EMC2: variants seen among roughly 807,000 people sequenced by gnomAD.
EMC2 encodes the protein TPR repeat protein 35.
In EMC2, 37 loss-of-function variants were observed where a neutral mutation model predicts 51.6. The observed-to-expected ratio is 0.72, with a 90% confidence interval of 0.55 to 0.94. EMC2 has a LOEUF of 0.94. EMC2 is among the 40% of genes least tolerant of loss of function. EMC2 has a pLI of 0.00. For synonymous variants in EMC2, 131 were observed against 112.4 expected, an observed-to-expected ratio of 1.17 and a Z score of -1.04; for missense variants, 359 against 350.9, an observed-to-expected ratio of 1.02 and a Z score of -0.18.
intron 7 of EMC2, among the ~76,000 whole-genome samples, chr8:108,471,986 C>G (rs1810866399): frequency 1.3e-5 from 2 of 152,000 alleles, no homozygotes; most frequent in East Asian, 3.9e-4. Context: ...ATTGGTTCTA[C>G]CTTTTTAGTT....
intron 5 of EMC2, among the ~76,000 whole-genome samples, chr8:108,469,064 A>G (rs1327723130): frequency 6.6e-6 from 1 of 152,066 alleles, no homozygotes; most frequent in Non-Finnish European, 1.5e-5. Context: ...CCTTATTTTC[A>G]TAACACCCTA....
intron 1 of EMC2, 131 bp from the exon 2 acceptor site, chr8:108,449,690 CTT>C (rs936810945): frequency 1.9e-6 from 1 of 529,984 alleles, no homozygotes; most frequent in African/African-American, 2.0e-5. Flanking sequence ...ATACCACAGA[CTT>C]CTACATGATT....
chr8:108,465,920 G>T (rs997424348), intron 5 of EMC2, among the ~76,000 whole-genome samples: 2 of 152,096 alleles, frequency 1.3e-5, no homozygotes, highest in African/African-American at 4.8e-5. Context: ...GCTTTCTACA[G>T]AACAGAGTAT....
intron 1 of EMC2, among the ~76,000 whole-genome samples, chr8:108,445,562 A>G (rs1818858482): frequency 6.6e-6 from 1 of 151,828 alleles, no homozygotes; most frequent in African/African-American, 2.4e-5. Context: ...TGACCACTCT[A>G]CTACCCCCTT....
intron 5 of EMC2, among the ~76,000 whole-genome samples, chr8:108,459,916 G>A (rs936379006): frequency 2.0e-5 from 3 of 152,076 alleles, no homozygotes; most frequent in African/African-American, 2.4e-5. Context: ...AGAATAAAAC[G>A]TTAAAATTGG....
chr8:108,462,939 C>G (rs948311334), intron 5 of EMC2, among the ~76,000 whole-genome samples: 1 of 152,098 alleles, frequency 6.6e-6, no homozygotes, highest in East Asian at 1.9e-4. Flanking sequence ...TCTTTCTGAG[C>G]TGTCTCCTTT....
intron 5 of EMC2, among the ~76,000 whole-genome samples, chr8:108,460,426 A>G (rs1291996845): frequency 6.6e-6 from 1 of 152,182 alleles, no homozygotes; most frequent in Non-Finnish European, 1.5e-5. Flanking sequence ...GAACATCCTT[A>G]ACCTGAAAAT....
At chr8:108,453,238 G>A (rs1819072106) in intron 4 of EMC2, 91 bp downstream of exon 4, 1 of 576,166 alleles carries the variant, frequency 1.7e-6, no homozygotes, top group Non-Finnish European at 3.1e-6. Flanking sequence ...TCTAGAGTGT[G>A]TGGAATACTG....
intron 5 of EMC2, among the ~76,000 whole-genome samples, chr8:108,466,324 C>T (rs189973693): frequency 5.7e-4 from 86 of 151,816 alleles, no homozygotes; most frequent in African/African-American, 1.9e-3. Flanking sequence ...AGTCAGTTAA[C>T]GAGACTGTAC....
At chr8:108,446,436 TGA>T in intron 1 of EMC2, 1 of 241,408 alleles carries the variant, frequency 4.1e-6, no homozygotes, top group South Asian at 4.2e-5. Context: ...TAGCATGGGG[TGA>T]TGAAAGCCTG....
rs1191022581 is a variant in EMC2 at position 108,463,648 on chromosome 8, A to T, written c.364-6178A>T. ...ATATCAAATATTTGAAGTTTTATTT[A>T]TGAATTAGATGTAATTTCCTCTGTG... On this transcript the variant is annotated intron_variant, in intron 5 of 10. Coordinates refer to ENST00000220853, the MANE Select transcript of EMC2 (RefSeq NM_014673.5). Among the ~76,000 whole-genome samples, 9 of 152,242 alleles carry T rather than the reference A, an allele frequency of 5.9e-5. No homozygotes were observed. In the South Asian group the frequency reaches 1.7e-3, roughly 28 times the overall value.
At chr8:108,462,876 G>A (rs1488747482) in intron 5 of EMC2, among the ~76,000 whole-genome samples, 2 of 152,118 alleles carry the variant, frequency 1.3e-5, no homozygotes, top group Non-Finnish European at 2.9e-5. Flanking sequence ...ACAGCTATGG[G>A]ATTACAGGAG....
chr8:108,464,787 G>A (rs562771409), intron 5 of EMC2, among the ~76,000 whole-genome samples: 21 of 152,310 alleles, frequency 1.4e-4, no homozygotes, highest in African/African-American at 4.1e-4. Context: ...GAATACACCC[G>A]AGTGCACAGT....
intron 1 of EMC2, among the ~76,000 whole-genome samples, chr8:108,444,169 A>G (rs1184570899): frequency 1.3e-5 from 2 of 152,216 alleles, no homozygotes; most frequent in African/African-American, 4.8e-5. Context: ...TGTGATTCTC[A>G]TATGCCACTC....
chr8:108,455,787 G>T, intron 4 of EMC2, 86 bp from the exon 5 acceptor site: 4 of 512,384 alleles, frequency 7.8e-6, no homozygotes, highest in Non-Finnish European at 1.1e-5. Context: ...AAATATTAAA[G>T]CCAGTTTAAT....
chr8:108,444,868 T>C (rs1818840030), intron 1 of EMC2, among the ~76,000 whole-genome samples: 1 of 152,160 alleles, frequency 6.6e-6, no homozygotes, highest in African/African-American at 2.4e-5. Context: ...GAAGTCACAA[T>C]CTAATGGAGA....
intron 9 of EMC2, among the ~76,000 whole-genome samples, chr8:108,477,528 C>G (rs1369173708): frequency 6.6e-6 from 1 of 151,882 alleles, no homozygotes; most frequent in African/African-American, 2.4e-5. Context: ...TTATCCTGTT[C>G]CTTTGACTTC....
intron 5 of EMC2, among the ~76,000 whole-genome samples, chr8:108,460,929 A>G (rs1180436504): frequency 1.3e-5 from 2 of 152,168 alleles, no homozygotes; most frequent in African/African-American, 4.8e-5. Context: ...ATGAACCATC[A>G]AAGAGTTGCT....
chr8:108,444,126 G>A (rs1818819485), intron 1 of EMC2, among the ~76,000 whole-genome samples: 1 of 152,220 alleles, frequency 6.6e-6, no homozygotes, highest in African/African-American at 2.4e-5. Flanking sequence ...ACAGCTCTGT[G>A]CAGAAAAGCT....
Sources: allele counts gnomAD v4.1 joint callset (sites outside exome capture counted in the v4.1 genomes callset), GRCh38; gene constraint gnomAD v4.1.1; transcripts MANE v1.5; gene names NCBI Gene and HGNC (gene_info 2026-07-23, HGNC 2026-07-21).